L3MBTL4: variants seen among roughly 807,000 people sequenced by gnomAD.
L3MBTL4 encodes lethal(3)malignant brain tumor-like protein 4.
Under a neutral mutation model 84.5 loss-of-function variants are expected in L3MBTL4, and 70 were observed. The ratio of observed to expected loss-of-function variants is 0.83; its 90% CI spans 0.68 to 1.01. The LOEUF (loss-of-function observed/expected upper bound fraction) is 1.01. L3MBTL4 is among the 50% of genes least tolerant of loss of function. The pLI is 0.00. For synonymous variants in L3MBTL4, 274 were observed against 259.8 expected (o/e 1.05, Z -0.52); for missense variants, 715 against 754.8 (o/e 0.95, Z 0.62).
chr18:6,309,824 A>G (rs2050747566), intron 3 of L3MBTL4, among the ~76,000 whole-genome samples: 1 of 152,248 alleles, frequency 6.6e-6, no homozygotes, highest in Non-Finnish European at 1.5e-5. Context: ...GACAATTAAT[A>G]TAAAATACAT....
intron 14 of L3MBTL4, among the ~76,000 whole-genome samples, chr18:6,120,421 T>C (rs905023331): frequency 6.6e-6 from 1 of 152,186 alleles, no homozygotes; most frequent in Admixed American, 6.5e-5. Context: ...AGGGCCAGCT[T>C]GTGGAGAAAC....
intron 16 of L3MBTL4, among the ~76,000 whole-genome samples, chr18:6,026,258 A>G (rs1015474155): frequency 6.6e-6 from 1 of 152,234 alleles, no homozygotes; most frequent in Non-Finnish European, 1.5e-5. Context: ...TAGAATTTAA[A>G]GAAAATTAGG....
chr18:6,367,196 G>T (rs937580901), intron 1 of L3MBTL4: 1 of 152,224 alleles, frequency 6.6e-6, no homozygotes, highest in African/African-American at 2.4e-5. Context: ...TTACATATGT[G>T]CCTAGAAAAC....
intron 13 of L3MBTL4, among the ~76,000 whole-genome samples, chr18:6,165,309 C>A: frequency 6.6e-6 from 1 of 152,162 alleles, no homozygotes. Flanking sequence ...GGCCAACATT[C>A]AAATTCAGGA....
At chr18:6,171,687 G>T in intron 13 of L3MBTL4, 141 bp downstream of exon 13, 1 of 459,552 alleles carries the variant, frequency 2.2e-6, no homozygotes, top group Non-Finnish European at 3.9e-6. Context: ...GTAAATAATC[G>T]GCTTTCAGTG....
intron 1 of L3MBTL4, among the ~76,000 whole-genome samples, chr18:6,331,893 A>T (rs190731793): frequency 3.3e-5 from 5 of 152,132 alleles, no homozygotes; most frequent in African/African-American, 1.2e-4. Flanking sequence ...AGAGACATAG[A>T]GGATAAATTA....
At chr18:6,406,333 A>G (rs1282429359) in intron 1 of L3MBTL4, among the ~76,000 whole-genome samples, 1 of 152,258 alleles carries the variant, frequency 6.6e-6, no homozygotes, top group East Asian at 1.9e-4. Flanking sequence ...CAGTCATGGC[A>G]AGAAAGAATC....
At position 6,308,278 on chromosome 18, in the gene L3MBTL4, G is replaced by A. The variant is rs343239; in HGVS notation, c.72+3276C>T. Reference sequence around the variant, plus strand: ...GGTTTACCCATACGGTAGAAGCAAAGATGTAAAACATATAACAAATCCCAA... The same window carrying A: ...GGTTTACCCATACGGTAGAAGCAAAAATGTAAAACATATAACAAATCCCAA... On this transcript the variant is annotated intron_variant, in intron 3 of 18. Transcript: ENST00000317931. 3.8e-3 allele frequency among the ~76,000 whole-genome samples: 573 copies of A among 152,292 alleles called. 5 individuals are homozygous for A. Among genetic ancestry groups the A allele is most frequent in the African/African-American group, 0.013 (536 of 41,578 alleles).
intron 16 of L3MBTL4, among the ~76,000 whole-genome samples, chr18:6,016,902 G>A (rs1394942369): frequency 6.6e-6 from 1 of 152,172 alleles, no homozygotes; most frequent in Non-Finnish European, 1.5e-5. Flanking sequence ...GAGAGAGCCT[G>A]TGGGGAAGGG....
chr18:6,193,557 A>C (rs2045229356), intron 12 of L3MBTL4, among the ~76,000 whole-genome samples: 1 of 152,256 alleles, frequency 6.6e-6, no homozygotes, highest in African/African-American at 2.4e-5. Context: ...GTCCAGAGGC[A>C]CAAGGCAAAG....
chr18:6,244,013 G>C (rs2047555885), intron 6 of L3MBTL4, among the ~76,000 whole-genome samples: 1 of 151,954 alleles, frequency 6.6e-6, no homozygotes, highest in African/African-American at 2.4e-5. Flanking sequence ...GATCTTTTAT[G>C]GATTTAATAA....
At chr18:6,197,963 C>T (rs2045481601) in intron 12 of L3MBTL4, among the ~76,000 whole-genome samples, 1 of 152,152 alleles carries the variant, frequency 6.6e-6, no homozygotes, top group Non-Finnish European at 1.5e-5. Context: ...GGTGGCGCAC[C>T]TTCTCTCCCT....
At chr18:6,151,820 A>G (rs777872959) in intron 13 of L3MBTL4, among the ~76,000 whole-genome samples, 20 of 152,250 alleles carry the variant, frequency 1.3e-4, no homozygotes, top group Admixed American at 5.2e-4. Context: ...CCCATGCTGT[A>G]CATAATATTC....
intron 16 of L3MBTL4, among the ~76,000 whole-genome samples, chr18:6,006,661 A>G (rs1294009061): frequency 6.6e-6 from 1 of 152,218 alleles, no homozygotes. Context: ...AAAGGAGAGT[A>G]AGGAAAATTC....
intron 13 of L3MBTL4, among the ~76,000 whole-genome samples, chr18:6,162,546 A>C (rs2043393940): frequency 2.0e-5 from 3 of 152,236 alleles, no homozygotes; most frequent in Non-Finnish European, 2.9e-5. Flanking sequence ...TCTGATTTTA[A>C]AAGATACTGG....
At chr18:6,029,200 G>T (rs1568002608) in intron 16 of L3MBTL4, among the ~76,000 whole-genome samples, 1 of 152,144 alleles carries the variant, frequency 6.6e-6, no homozygotes, top group Non-Finnish European at 1.5e-5. Context: ...AGCAAAAGTA[G>T]AATTAAGTGA....
chr18:6,063,239 T>A (rs2057291223), intron 16 of L3MBTL4, among the ~76,000 whole-genome samples: 1 of 151,798 alleles, frequency 6.6e-6, no homozygotes, highest in South Asian at 2.1e-4. Flanking sequence ...CAGTCATTGG[T>A]CAATGGCACT....
chr18:6,317,049 G>C (rs1020922762), intron 1 of L3MBTL4, among the ~76,000 whole-genome samples: 1 of 152,052 alleles, frequency 6.6e-6, no homozygotes, highest in Non-Finnish European at 1.5e-5. Context: ...GGGGAAACAA[G>C]ATAAGCTTCA....
intron 13 of L3MBTL4, among the ~76,000 whole-genome samples, chr18:6,170,215 G>A (rs1240250932): frequency 6.6e-6 from 1 of 152,108 alleles, no homozygotes; most frequent in Non-Finnish European, 1.5e-5. Context: ...AGTCTATACT[G>A]CTCTAGATTT....
Sources: gnomAD v4.1 joint callset for allele counts (sites outside exome capture counted in the v4.1 genomes callset) on GRCh38, gnomAD v4.1.1 for gene constraint, MANE v1.5 for transcripts, NCBI Gene and HGNC (gene_info 2026-07-23, HGNC 2026-07-21) for gene names.